ARHGAP6: variants seen among roughly 807,000 people sequenced by gnomAD.
The protein encoded by ARHGAP6 is rho GTPase-activating protein 6.
In ARHGAP6, 16 loss-of-function variants were observed where a neutral mutation model predicts 55.7. The observed-to-expected ratio is 0.29, with a 90% CI of 0.19 to 0.44. ARHGAP6 has a LOEUF of 0.44. ARHGAP6 is among the 20% of genes least tolerant of loss of function. The pLI is 1.00. For synonymous variants in ARHGAP6, 382 were observed against 360.9 expected (o/e 1.06, Z -0.66); for missense variants, 698 against 808.9 (o/e 0.86, Z 1.66).
At chrX:11,399,377 A>C (rs1184557161) in intron 1 of ARHGAP6, among the ~76,000 whole-genome samples, 1 of 106,645 alleles carries the variant, frequency 9.4e-6, no homozygotes, top group Non-Finnish European at 1.9e-5. Context: ...AAAAAAAAAA[A>C]CCACTGGCTT....
chrX:11,642,820 A>C (rs138318738), intron 1 of ARHGAP6, among the ~76,000 whole-genome samples: 458 of 111,496 alleles, frequency 4.1e-3, no homozygotes, highest in Non-Finnish European at 7.0e-3. Flanking sequence ...TAATGGGCAC[A>C]AGGTTTCTTC....
At chrX:11,364,911 C>T (rs974690470) in intron 1 of ARHGAP6, among the ~76,000 whole-genome samples, 3 of 110,192 alleles carry the variant, frequency 2.7e-5, no homozygotes, top group Admixed American at 1.9e-4. Flanking sequence ...ACAACTTCAG[C>T]CAACAGGAAG....
intron 2 of ARHGAP6, among the ~76,000 whole-genome samples, chrX:11,246,056 C>T (rs1003528993): frequency 2.7e-5 from 3 of 110,889 alleles, no homozygotes; most frequent in Admixed American, 9.7e-5. Context: ...GGTGATTTTA[C>T]GTGTGGTAGA....
chrX:11,403,373 G>A (rs1440196539), intron 1 of ARHGAP6, among the ~76,000 whole-genome samples: 2 of 111,739 alleles, frequency 1.8e-5, no homozygotes, highest in Non-Finnish European at 3.8e-5. Context: ...AATGAGTACT[G>A]GAAATGTGGC....
At chrX:11,574,285 T>C (rs1246511431) in intron 1 of ARHGAP6, among the ~76,000 whole-genome samples, 2 of 111,449 alleles carry the variant, frequency 1.8e-5, no homozygotes, top group Non-Finnish European at 3.8e-5. Flanking sequence ...AAGAGAATTT[T>C]AGACAAATAT....
At chrX:11,177,563 A>T (rs1229669781) in intron 8 of ARHGAP6, among the ~76,000 whole-genome samples, 3 of 111,619 alleles carry the variant, frequency 2.7e-5, no homozygotes, top group Non-Finnish European at 5.6e-5. Context: ...CCTCCCTTGC[A>T]TCGAGCAAGT....
At position 11,664,634 on chromosome X, in the gene ARHGAP6, G is replaced by C. The variant is rs1448731224; in HGVS notation, c.195C>G (p.Leu65=). ...GSARGATAGR[L]YSPSLPAESL... is the part of the protein sequence containing the mutation. Reference sequence around the variant, plus strand: ...TCTCGGCTGGGAGTGATGGGGAGTAGAGGCGGCCCGCCGTGGCTCCCCGCG... The same window carrying C: ...TCTCGGCTGGGAGTGATGGGGAGTACAGGCGGCCCGCCGTGGCTCCCCGCG... Residue 65 remains leucine (L), a synonymous_variant, in exon 1 of 13, where the codon CTC becomes CTG. Coordinates refer to ENST00000337414, the MANE Select transcript of ARHGAP6 (RefSeq NM_013427.3). 2 of 1,158,694 alleles carry C rather than the reference G, an allele frequency of 1.7e-6. No individual in the cohort carries two copies. The highest frequency in any genetic ancestry group is 2.3e-6 in the Non-Finnish European group (2 of 869,817).
At chrX:11,375,000 A>G (rs1437089480) in intron 1 of ARHGAP6, among the ~76,000 whole-genome samples, 1 of 112,339 alleles carries the variant, frequency 8.9e-6, no homozygotes, top group Non-Finnish European at 1.9e-5. Flanking sequence ...TCTCTTTAAA[A>G]GAAAGTATTG....
intron 1 of ARHGAP6, among the ~76,000 whole-genome samples, chrX:11,500,663 C>CAAGAA (rs2050667771): frequency 3.0e-5 from 1 of 33,627 alleles, no homozygotes; most frequent in African/African-American, 1.1e-4. Context: ...CAGACTCTGT[C>CAAGAA]AAAAAAAAAA....
chrX:11,638,811 G>C (rs892176218), intron 1 of ARHGAP6, among the ~76,000 whole-genome samples: 2 of 111,823 alleles, frequency 1.8e-5, no homozygotes, highest in Non-Finnish European at 3.8e-5. Context: ...AATGTAAAAA[G>C]TATTTTTAAA....
chrX:11,661,912 C>T (rs1260963751), intron 1 of ARHGAP6, among the ~76,000 whole-genome samples: 1 of 112,014 alleles, frequency 8.9e-6, no homozygotes, highest in Non-Finnish European at 1.9e-5. Context: ...AGGAGTGCTA[C>T]TCGCATCTAG....
At chrX:11,349,117 TAG>T (rs945328729) in intron 1 of ARHGAP6, among the ~76,000 whole-genome samples, 1 of 109,042 alleles carries the variant, frequency 9.2e-6, no homozygotes, top group African/African-American at 3.4e-5. Context: ...ATCATAAGGA[TAG>T]AGACAGAGTT....
intron 1 of ARHGAP6, among the ~76,000 whole-genome samples, chrX:11,567,283 C>T (rs2051453036): frequency 9.0e-6 from 1 of 111,103 alleles, no homozygotes; most frequent in South Asian, 3.8e-4. Flanking sequence ...AAGAAACCAA[C>T]CGAGGTGTGT....
chrX:11,576,311 G>C (rs994663562), intron 1 of ARHGAP6, among the ~76,000 whole-genome samples: 1 of 111,997 alleles, frequency 8.9e-6, no homozygotes, highest in Non-Finnish European at 1.9e-5. Context: ...ACACCATTGT[G>C]TATGGCATAT....
intron 1 of ARHGAP6, among the ~76,000 whole-genome samples, chrX:11,662,076 C>A (rs776176220): frequency 1.8e-5 from 2 of 112,069 alleles, no homozygotes; most frequent in African/African-American, 3.2e-5. Flanking sequence ...CTATATGAAC[C>A]AGATATTCCC....
At chrX:11,264,697 G>A (rs1000254439) in intron 1 of ARHGAP6, among the ~76,000 whole-genome samples, 7 of 111,948 alleles carry the variant, frequency 6.3e-5, no homozygotes, top group East Asian at 5.6e-4. Context: ...GCAGCTGATG[G>A]TTCTACTTGT....
chrX:11,552,019 T>C (rs1356051271), intron 1 of ARHGAP6, among the ~76,000 whole-genome samples: 1 of 111,231 alleles, frequency 9.0e-6, no homozygotes, highest in African/African-American at 3.3e-5. Context: ...ACAGCATAGA[T>C]GAAACAAAAA....
At chrX:11,524,251 G>C (rs2050966220) in intron 1 of ARHGAP6, among the ~76,000 whole-genome samples, 1 of 111,625 alleles carries the variant, frequency 9.0e-6, no homozygotes, top group African/African-American at 3.3e-5. Context: ...CTGATTTCTA[G>C]TCAATGGAAC....
intron 1 of ARHGAP6, among the ~76,000 whole-genome samples, chrX:11,282,890 A>ATT (rs1262777607): frequency 8.9e-6 from 1 of 112,555 alleles, no homozygotes; most frequent in African/African-American, 3.2e-5. Flanking sequence ...TTCAGTAAGC[A>ATT]TTATGTAAAG....
Sources: allele counts gnomAD v4.1 joint callset (sites outside exome capture counted in the v4.1 genomes callset), GRCh38; gene constraint gnomAD v4.1.1; transcripts MANE v1.5; gene names NCBI Gene and HGNC (gene_info 2026-07-23, HGNC 2026-07-21).